Variants in PCDHGA1 observed in about 807,000 individuals in gnomAD.
The protein encoded by PCDHGA1 is protocadherin gamma subfamily A, 1.
A neutral mutation model predicts 58.0 loss-of-function variants in PCDHGA1; 32 were observed. The observed-to-expected ratio is 0.55, with a 90% CI of 0.42 to 0.74. The LOEUF is 0.74. Ranked by LOEUF, PCDHGA1 falls within the 30% of genes least tolerant of loss-of-function variation. The probability of loss-of-function intolerance (pLI) is 0.00; values close to 1 mark genes in which losing one functional copy is unlikely to be tolerated. For synonymous variants in PCDHGA1, 498 were observed against 501.1 expected (o/e 0.99, Z 0.08); for missense variants, 1,205 against 1,182.3 (o/e 1.02, Z -0.28).
intron 1 of PCDHGA1, chr5:141,374,260 G>T: frequency 1.2e-6 from 2 of 1,613,998 alleles, no homozygotes; most frequent in Non-Finnish European, 1.7e-6. Flanking sequence ...CCCAGGAGTT[G>T]GCGGAGCACG....
At chr5:141,440,912 G>A (rs1281398967) in intron 1 of PCDHGA1, 1 of 152,254 alleles carries the variant, frequency 6.6e-6, no homozygotes, top group African/African-American at 2.4e-5. Context: ...GGGCACTCCT[G>A]TGCTGAGAGT....
At chr5:141,499,287 C>T (rs896428388) in intron 2 of PCDHGA1, among the ~76,000 whole-genome samples, 3 of 152,184 alleles carry the variant, frequency 2.0e-5, no homozygotes, top group Non-Finnish European at 2.9e-5. Context: ...CTGATGGCTC[C>T]ACACTACCAT....
At chr5:141,400,524 G>A (rs958686867) in intron 1 of PCDHGA1, 1 of 1,613,802 alleles carries the variant, frequency 6.2e-7, no homozygotes, top group Non-Finnish European at 8.5e-7. Context: ...ATCCTGAGTT[G>A]GTGAGTTTCA....
intron 1 of PCDHGA1, chr5:141,366,950 T>C: frequency 2.8e-6 from 2 of 712,110 alleles, no homozygotes; most frequent in Non-Finnish European, 4.3e-6. Context: ...CTGATATCTG[T>C]AGACTTAAGT....
At chr5:141,397,591 A>G (rs1202251855) in intron 1 of PCDHGA1, among the ~76,000 whole-genome samples, 1 of 152,204 alleles carries the variant, frequency 6.6e-6, no homozygotes, top group Non-Finnish European at 1.5e-5. Flanking sequence ...ATTAATTATT[A>G]TATTGCCAGT....
In PCDHGA1 at chr5:141,413,416, C is replaced by G. The variant is rs893515703; in HGVS notation, c.2421+80311C>G. ...CAGAGGTAGGACGCAGCTTTTCTCT[C>G]TGAACCCGCGCAGCGGCAGCTTGAT... On this transcript the variant is annotated intron_variant, in intron 1 of 3. Transcript: ENST00000517417. 1 of 1,614,100 alleles carries G rather than the reference C, an allele frequency of 6.2e-7. No individual in the cohort carries two copies. Among genetic ancestry groups the G allele is most frequent in the Admixed American group, 1.7e-5 (1 of 60,034 alleles).
In PCDHGA1 at chr5:141,330,693, T is replaced by C; in HGVS notation, c.9T>C (p.Ile3=). ...TACGAAGTGAGAGAGCCATGAAGAT[T>C]CAGAAAAAGCTGACTGGCTGCAGCA... MK[I]QKKLTGCSRL... Residue 3 remains isoleucine, a synonymous_variant, in exon 1 of 4, where the codon ATT becomes ATC. Coordinates refer to ENST00000517417, the MANE Select transcript of PCDHGA1 (RefSeq NM_018912.3). The C allele has an allele frequency of 6.2e-7, 1 of 1,605,324 alleles. No homozygotes were observed. The highest frequency in any genetic ancestry group is 1.3e-5 in the African/African-American group (1 of 74,678).
chr5:141,491,109 A>G lies in PCDHGA1; in HGVS notation c.2422-3698A>G, dbSNP rs1039906987. 4.3e-6 allele frequency: 7 copies of G among 1,614,074 alleles called. No individual in the cohort carries two copies. The African/African-American group carries it at 9.3e-5, about 22-fold the overall frequency. ...CCCCAGGACTGTTCCTCGTGTCTAC[A>G]CACACTGGTGAGGTGCGCACAGCCC... On this transcript the variant is annotated intron_variant, in intron 1 of 3. Coordinates refer to ENST00000517417, the MANE Select transcript of PCDHGA1 (RefSeq NM_018912.3). The surrounding 1 kb of genome is among the most constrained non-coding windows in gnomAD (Gnocchi z 6.9).
At chr5:141,475,218 A>G (rs2154572291) in intron 1 of PCDHGA1, among the ~76,000 whole-genome samples, 1 of 152,326 alleles carries the variant, frequency 6.6e-6, no homozygotes, top group African/African-American at 2.4e-5. Flanking sequence ...GGATTGATCA[A>G]GTAAAGGGAA....
chr5:141,375,645 A>G (rs1052759532), intron 1 of PCDHGA1: 1 of 1,614,002 alleles, frequency 6.2e-7, no homozygotes, highest in African/African-American at 1.3e-5. Flanking sequence ...CGCTCCTTCG[A>G]CTATGAGCAG....
chr5:141,333,353 G>T, intron 1 of PCDHGA1: 1 of 616,656 alleles, frequency 1.6e-6, no homozygotes, highest in Non-Finnish European at 2.7e-6. Context: ...TGTGTGAGAT[G>T]CCATCTCTGT....
intron 2 of PCDHGA1, among the ~76,000 whole-genome samples, chr5:141,496,125 T>C (rs1318749514): frequency 6.8e-6 from 1 of 146,032 alleles, no homozygotes; most frequent in Non-Finnish European, 1.5e-5. Context: ...TCCCTGCCCC[T>C]CACACACTGA....
rs1230103133 is a variant in PCDHGA1, at chr5:141,357,488, C to T, written c.2421+24383C>T. ...CACGAGGTCTCCCTCACCGCGGACT[C>T]GCGGAAGAGTCACCTGATCTTCTCC... On this transcript the variant is annotated intron_variant, in intron 1 of 3. Coordinates refer to ENST00000517417, the MANE Select transcript of PCDHGA1 (RefSeq NM_018912.3). 6.8e-6 allele frequency: 11 copies of T among 1,614,100 alleles called. No individual in the cohort carries two copies. The East Asian group carries it at 2.2e-4, about 33-fold the overall frequency.
chr5:141,412,902 T>G, intron 1 of PCDHGA1: 1 of 371,284 alleles, frequency 2.7e-6, no homozygotes, highest in East Asian at 4.2e-5. Flanking sequence ...TACTTTCCAT[T>G]GCATGTATCA....
chr5:141,338,967 G>C, intron 1 of PCDHGA1: 1 of 1,526,840 alleles, frequency 6.5e-7, no homozygotes, highest in Non-Finnish European at 8.8e-7. Context: ...TGCGACAGGA[G>C]GGAAATGGCG....
At chr5:141,389,412 G>C (rs1039259671) in intron 1 of PCDHGA1, 21 of 1,613,470 alleles carry the variant, frequency 1.3e-5, no homozygotes, top group Non-Finnish European at 1.3e-5. Flanking sequence ...CGCGGAGAGC[G>C]GGGTGGTGTT....
chr5:141,364,691 G>C (rs373731815), intron 1 of PCDHGA1: 6 of 1,613,878 alleles, frequency 3.7e-6, no homozygotes, highest in Non-Finnish European at 3.4e-6. Context: ...TGGAGTAGAA[G>C]TAGAAATAAT....
At chr5:141,372,302 G>C in intron 1 of PCDHGA1, 1 of 1,613,340 alleles carries the variant, frequency 6.2e-7, no homozygotes, top group Non-Finnish European at 8.5e-7. Flanking sequence ...GCGACAGGGA[G>C]GCCGCCCGCC....
chr5:141,375,744 A>G lies in PCDHGA1; in HGVS notation c.2421+42639A>G, dbSNP rs573966652. The G allele has an allele frequency of 9.3e-6, 15 of 1,614,188 alleles. No individual in the cohort carries two copies. The South Asian group carries it at 1.6e-4, about 18-fold the overall frequency. ...GTGTCACTGAGCCTGTTTGTGCTGGACCAGAATGACAATGCGCCCGAGATC... is the reference window on the plus strand; with the variant it reads ...GTGTCACTGAGCCTGTTTGTGCTGGGCCAGAATGACAATGCGCCCGAGATC... On this transcript the variant is annotated intron_variant, in intron 1 of 3. Transcript: ENST00000517417.
Sources: gnomAD v4.1 joint callset for allele counts (sites outside exome capture counted in the v4.1 genomes callset) on GRCh38, gnomAD v4.1.1 for gene constraint, Gnocchi (gnomAD v3.1) non-coding constraint, MANE v1.5 for transcripts, NCBI Gene and HGNC (gene_info 2026-07-23, HGNC 2026-07-21) for gene names.